The following PRKAR1B variants were observed in gnomAD, a reference collection of about 807,000 sequenced individuals.
The protein encoded by PRKAR1B is protein kinase cAMP-dependent type I regulatory subunit beta.
A neutral mutation model predicts 46.5 loss-of-function variants in PRKAR1B; 22 were observed. That is an observed-to-expected ratio of 0.47 (90% CI 0.34 to 0.68). The LOEUF (loss-of-function observed/expected upper bound fraction) is 0.68. Ranked by LOEUF, PRKAR1B falls within the 30% of genes least tolerant of loss-of-function variation. PRKAR1B has a pLI of 0.01. For missense variants in PRKAR1B, 445 were observed against 535.6 expected, an observed-to-expected ratio of 0.83 and a Z score of 1.67; for synonymous variants, 259 against 217.7, an observed-to-expected ratio of 1.19 and a Z score of -1.67.
chr7:704,419 A>C (rs1047799811), intron 2 of PRKAR1B, among the ~76,000 whole-genome samples: 2 of 152,120 alleles, frequency 1.3e-5, no homozygotes, highest in Admixed American at 1.3e-4. Context: ...TAAAAGGATG[A>C]GGTAATATTA....
intron 8 of PRKAR1B, among the ~76,000 whole-genome samples, chr7:582,008 C>T (rs922152245): frequency 2.0e-5 from 3 of 152,270 alleles, no homozygotes; most frequent in Admixed American, 6.5e-5. Context: ...CATGTACCAT[C>T]ATGTCCAGCT....
At chr7:552,493 C>T (rs1048389801) in intron 9 of PRKAR1B, among the ~76,000 whole-genome samples, 2 of 151,274 alleles carry the variant, frequency 1.3e-5, no homozygotes, top group African/African-American at 2.4e-5. Flanking sequence ...CAAACCCCCA[C>T]CTCCCACCCA....
At chr7:643,324 C>T (rs372338834) in intron 4 of PRKAR1B, among the ~76,000 whole-genome samples, 10 of 151,500 alleles carry the variant, frequency 6.6e-5, no homozygotes, top group Non-Finnish European at 1.2e-4. Flanking sequence ...GCTTAGGCAG[C>T]GCGAGGCACG....
chr7:607,633 C>A (rs769751360), intron 4 of PRKAR1B, among the ~76,000 whole-genome samples, 181 bp from the exon 5 acceptor site: 2 of 152,202 alleles, frequency 1.3e-5, no homozygotes, highest in Non-Finnish European at 2.9e-5. Context: ...AGAGATGGCA[C>A]CGCCAGCCCT....
chr7:672,672 A>T (rs1222328488), intron 4 of PRKAR1B, among the ~76,000 whole-genome samples: 1 of 151,394 alleles, frequency 6.6e-6, no homozygotes, highest in East Asian at 2.0e-4. Context: ...GTTCGAGACC[A>T]GCCTGGCCAA....
intron 9 of PRKAR1B, among the ~76,000 whole-genome samples, chr7:554,148 G>A (rs1778256364): frequency 6.6e-6 from 1 of 152,244 alleles, no homozygotes; most frequent in Non-Finnish European, 1.5e-5. Context: ...GCAGATGGCG[G>A]AGGGTGAAAC....
At position 593,951 on chromosome 7, in the gene PRKAR1B, A is replaced by G. The variant is rs2128455349; in HGVS notation, c.708+2195T>C. The stretch of plus-strand genomic sequence containing the variant: ...CCATCCACAAAACACAAGAGCCGGC[A>G]TCGCCGTGGGGCCGGGACAGGCCAG... On this transcript the variant is annotated intron_variant, in intron 7 of 10. Transcript: ENST00000537384. This position sits in a 1 kb window ranked among gnomAD's most constrained non-coding sequence, Gnocchi z 6.1. 6.6e-6 allele frequency among the ~76,000 whole-genome samples: 1 copy of G among 152,300 alleles called. No homozygotes were observed. The highest frequency in any genetic ancestry group is 6.5e-5 in the Admixed American group (1 of 15,308).
intron 7 of PRKAR1B, among the ~76,000 whole-genome samples, chr7:595,549 C>A (rs1214762061): frequency 6.6e-6 from 1 of 152,114 alleles, no homozygotes; most frequent in African/African-American, 2.4e-5. Context: ...AGGGTCCTCC[C>A]CGGGCTCCCC....
intron 2 of PRKAR1B, 149 bp downstream of exon 2, chr7:711,180 C>G (rs1780604383): frequency 8.1e-6 from 9 of 1,105,646 alleles, no homozygotes; most frequent in Non-Finnish European, 1.2e-5. Context: ...CCTCTCTCCC[C>G]GCGCTTCTGG....
chr7:608,315 G>C (rs963024900), intron 4 of PRKAR1B: 1 of 152,154 alleles, frequency 6.6e-6, no homozygotes, highest in Non-Finnish European at 1.5e-5. Context: ...CCTCCTGCCT[G>C]CCCTGATTAC....
At chr7:598,084 A>T (rs1421622589) in intron 6 of PRKAR1B, among the ~76,000 whole-genome samples, 1 of 152,130 alleles carries the variant, frequency 6.6e-6, no homozygotes, top group Admixed American at 6.5e-5. Flanking sequence ...TGTACGTGAC[A>T]TGCACGCCTG....
chr7:650,088 G>T (rs1053854018), intron 4 of PRKAR1B, among the ~76,000 whole-genome samples: 1 of 151,940 alleles, frequency 6.6e-6, no homozygotes, highest in Non-Finnish European at 1.5e-5. Flanking sequence ...AGAGCTCTGG[G>T]ATTACAGGCA....
Position 711,318 on chromosome 7 carries a change from G to A in PRKAR1B, c.177+11C>T. 6.2e-7 allele frequency: 1 copy of A among 1,613,918 alleles called. No homozygotes were observed. The highest frequency in any genetic ancestry group is 1.1e-5 in the South Asian group (1 of 91,062). On this transcript the variant is annotated intron_variant, in intron 2 of 10. Coordinates refer to ENST00000537384, the MANE Select transcript of PRKAR1B (RefSeq NM_001164760.2). ...TGCGAAGGGAAGCAGCGGGCGGCGG[G>A]GGCCACTCACCTTCTCCAGCTTCTC...
At chr7:591,817 C>T (rs1027331169) in intron 7 of PRKAR1B, among the ~76,000 whole-genome samples, 6 of 152,206 alleles carry the variant, frequency 3.9e-5, no homozygotes, top group African/African-American at 7.2e-5. Context: ...GGCTGCAACA[C>T]GGCCTCATCC....
chr7:551,284 G>T, intron 10 of PRKAR1B, 105 bp downstream of exon 10: 2 of 1,074,640 alleles, frequency 1.9e-6, no homozygotes, highest in Non-Finnish European at 2.7e-6. Context: ...CCCACTACAA[G>T]GCCCCAGGGA....
chr7:584,627 T>C, intron 7 of PRKAR1B, 59 bp from the exon 8 acceptor site: 1 of 1,435,720 alleles, frequency 7.0e-7, no homozygotes, highest in Non-Finnish European at 9.7e-7. Context: ...TGGATCATCC[T>C]GACGTTTCCA....
intron 3 of PRKAR1B, among the ~76,000 whole-genome samples, chr7:678,145 C>T (rs188756682): frequency 2.0e-5 from 3 of 150,932 alleles, no homozygotes; most frequent in Non-Finnish European, 4.4e-5. Context: ...GTGGTGGGCA[C>T]CTGTAATCAG....
intron 9 of PRKAR1B, among the ~76,000 whole-genome samples, chr7:569,641 G>C (rs1419888904): frequency 6.6e-6 from 1 of 152,194 alleles, no homozygotes; most frequent in Non-Finnish European, 1.5e-5. Context: ...GGACCTGTGT[G>C]TCCCTCTCGG....
At chr7:641,483 C>T (rs143385011) in intron 4 of PRKAR1B, among the ~76,000 whole-genome samples, 1,540 of 151,796 alleles carry the variant, frequency 0.01, 15 homozygotes, top group Non-Finnish European at 0.017. Flanking sequence ...AGCTCCAAAG[C>T]GAAAACAACC....
Sources: allele counts gnomAD v4.1 joint callset (sites outside exome capture counted in the v4.1 genomes callset), GRCh38; gene constraint gnomAD v4.1.1; non-coding constraint Gnocchi (gnomAD v3.1); transcripts MANE v1.5; gene names NCBI Gene and HGNC (gene_info 2026-07-23, HGNC 2026-07-21).